Variants in MYLK4 observed in about 807,000 individuals in gnomAD.
MYLK4 encodes myosin light chain kinase family member 4.
MYLK4 carries 46 observed loss-of-function variants against 48.1 expected under a neutral mutation model. The observed-to-expected ratio is 0.96, with a 90% CI of 0.75 to 1.22. The LOEUF is 1.22. MYLK4 is among the 50% of genes most tolerant of loss of function. The pLI is 0.00. For missense variants in MYLK4, 451 were observed against 486.1 expected, an observed-to-expected ratio of 0.93 and a Z score of 0.68; for synonymous variants, 170 against 180.8, an observed-to-expected ratio of 0.94 and a Z score of 0.48.
intron 10 of MYLK4, 113 bp from the exon 11 acceptor site, chr6:2,675,238 A>C: frequency 1.3e-6 from 1 of 741,328 alleles, no homozygotes; most frequent in East Asian, 2.5e-5. Flanking sequence ...CCGAATGTCA[A>C]CTCATGGTCA....
At chr6:2,694,532 AGTAG>A (rs1761965311) in intron 2 of MYLK4, among the ~76,000 whole-genome samples, 1 of 2,178 alleles carries the variant, frequency 4.6e-4, no homozygotes, top group Non-Finnish European at 9.0e-4. Context: ...TGGTGGTGGT[AGTAG>A]TGTTGGTTGT....
At chr6:2,726,368 G>C (rs889789806) in intron 2 of MYLK4, among the ~76,000 whole-genome samples, 1 of 152,172 alleles carries the variant, frequency 6.6e-6, no homozygotes, top group Non-Finnish European at 1.5e-5. Flanking sequence ...GTAGCTTTAA[G>C]GGTTTCTGGA....
chr6:2,737,977 CG>C lies in MYLK4; in HGVS notation c.159+11158del, dbSNP rs1158504264. Among the ~76,000 whole-genome samples, 8 of 2,534 alleles carry C rather than the reference CG, an allele frequency of 3.2e-3. 1 individual carries two copies. The highest frequency in any genetic ancestry group is 0.012 in the African/African-American group (8 of 680). The allele number at this position is 2,534 out of a possible 152,430, so 1.7% of individuals were successfully genotyped here. ...TCTGCTGGGGGTGGGGTGCCGGGGG[CG>C]GGTGGGGGGGGGGTGGTCAATGTTA... On this transcript the variant is annotated intron_variant, in intron 2 of 12. Coordinates refer to ENST00000274643, the MANE Select transcript of MYLK4 (RefSeq NM_001012418.5).
the MYLK4 span, among the ~76,000 whole-genome samples, chr6:2,763,492 T>G: frequency 1.3e-5 from 2 of 152,056 alleles, no homozygotes; most frequent in Non-Finnish European, 2.9e-5. Flanking sequence ...AACTACGGCC[T>G]GGCGAGAAGT....
At chr6:2,725,591 GAA>G (rs765330220) in intron 2 of MYLK4, among the ~76,000 whole-genome samples, 95 of 135,618 alleles carry the variant, frequency 7.0e-4, no homozygotes, top group African/African-American at 1.5e-3. Context: ...GAAAGAGAAA[GAA>G]AGAAAGAAAG....
chr6:2,700,676 G>T (rs1204710216), intron 2 of MYLK4, among the ~76,000 whole-genome samples: 2 of 152,228 alleles, frequency 1.3e-5, no homozygotes, highest in East Asian at 3.9e-4. Context: ...CTCCAAAAAT[G>T]ATCTATGGGG....
At chr6:2,764,806 A>G in the MYLK4 span, among the ~76,000 whole-genome samples, 2 of 152,136 alleles carry the variant, frequency 1.3e-5, no homozygotes, top group African/African-American at 2.4e-5. Context: ...ACGCCAACAC[A>G]TCTAAAAGGG....
chr6:2,747,294 A>T (rs182283772), intron 2 of MYLK4, among the ~76,000 whole-genome samples: 80 of 152,306 alleles, frequency 5.3e-4, no homozygotes, highest in African/African-American at 1.8e-3. Context: ...AGTTGGCTGC[A>T]CAAAAGTAAC....
rs553185735 is a variant in MYLK4 at position 2,667,170 on chromosome 6, T to C, written c.*755A>G. On this transcript the variant is annotated 3_prime_UTR_variant, in exon 13 of 13. Coordinates refer to ENST00000274643, the MANE Select transcript of MYLK4 (RefSeq NM_001012418.5). ...AAACAGATACTTTTTGCATCACCTC[T>C]CAAAACCAATGTGTTTTGTGGGGAT... The C allele has an allele frequency of 1.3e-5, 2 of 152,290 alleles. No homozygotes were observed. Among genetic ancestry groups the C allele is most frequent in the South Asian group, 4.1e-4 (2 of 4,824 alleles). 9.4% of individuals were successfully genotyped at this position (152,290 alleles called of 1,614,324 possible). A position where few individuals can be genotyped will look rare whatever the true frequency, so the allele number is the denominator to read the frequency against.
intron 2 of MYLK4, among the ~76,000 whole-genome samples, chr6:2,702,066 G>A (rs1370183571): frequency 6.6e-6 from 1 of 152,212 alleles, no homozygotes; most frequent in East Asian, 1.9e-4. Context: ...CATGCCGCTG[G>A]CCTTGCTGGC....
chr6:2,735,783 G>T (rs2113340907), intron 2 of MYLK4, among the ~76,000 whole-genome samples: 1 of 152,296 alleles, frequency 6.6e-6, no homozygotes, highest in East Asian at 1.9e-4. Flanking sequence ...GGCCTTGAAG[G>T]ATTTCAAAAG....
chr6:2,701,272 A>G (rs891802489), intron 2 of MYLK4, among the ~76,000 whole-genome samples: 6 of 152,084 alleles, frequency 3.9e-5, no homozygotes, highest in Non-Finnish European at 8.8e-5. Flanking sequence ...TTTTTATTTT[A>G]AGATCATTTT....
intron 10 of MYLK4, among the ~76,000 whole-genome samples, chr6:2,678,002 T>C (rs1761142736): frequency 6.6e-6 from 1 of 152,220 alleles, no homozygotes; most frequent in South Asian, 2.1e-4. Flanking sequence ...TATGGCCATA[T>C]GATAAATGGC....
intron 2 of MYLK4, among the ~76,000 whole-genome samples, chr6:2,712,914 G>C (rs1369508642): frequency 6.6e-6 from 1 of 152,148 alleles, no homozygotes; most frequent in Admixed American, 6.5e-5. Flanking sequence ...CAGGATGCTG[G>C]GTTCTCATCC....
the MYLK4 span, chr6:2,766,033 G>C: frequency 7.6e-7 from 1 of 1,314,522 alleles, no homozygotes; most frequent in Non-Finnish European, 9.7e-7. Context: ...CCGGGAGGAA[G>C]GGGTCGGGGA....
rs1213411902 is a variant in MYLK4 at position 2,664,874 on chromosome 6, AT to A, written c.*3050del. 1 of 152,224 alleles carries A rather than the reference AT, an allele frequency of 6.6e-6. No homozygotes were observed. Among genetic ancestry groups the A allele is most frequent in the Non-Finnish European group, 1.5e-5 (1 of 68,042 alleles). 9.4% of individuals were successfully genotyped at this position (152,224 alleles called of 1,614,324 possible). ...AGTTTGTAATGTAGCAAATGGGGAC[AT>A]GTGCCCTCCTCTCCCTGATTTTTAA... On this transcript the variant is annotated 3_prime_UTR_variant, in exon 13 of 13. Transcript: ENST00000274643.
chr6:2,769,834 A>G, the MYLK4 span, among the ~76,000 whole-genome samples: 1 of 152,348 alleles, frequency 6.6e-6, no homozygotes. Flanking sequence ...CTGAGTAAAG[A>G]AATCATTTAT....
intron 4 of MYLK4, among the ~76,000 whole-genome samples, chr6:2,687,486 C>G (rs751575112): frequency 3.3e-5 from 5 of 152,194 alleles, no homozygotes; most frequent in Non-Finnish European, 4.4e-5. Context: ...AAAAACAGCA[C>G]AAACCCTGGG....
the MYLK4 span, among the ~76,000 whole-genome samples, chr6:2,767,919 C>T: frequency 6.6e-6 from 1 of 152,214 alleles, no homozygotes; most frequent in African/African-American, 2.4e-5. Flanking sequence ...AGAATGGGTG[C>T]TCTACAACTT....
Sources: gnomAD v4.1 joint callset for allele counts (sites outside exome capture counted in the v4.1 genomes callset) on GRCh38, gnomAD v4.1.1 for gene constraint, MANE v1.5 for transcripts, NCBI Gene and HGNC (gene_info 2026-07-23, HGNC 2026-07-21) for gene names.